Variants in SLFN5 observed in about 807,000 individuals in gnomAD.
SLFN5 encodes schlafen family member 5.
Under a neutral mutation model 48.5 loss-of-function variants are expected in SLFN5, and 34 were observed. The ratio of observed to expected loss-of-function variants is 0.70; its 90% CI spans 0.53 to 0.93. SLFN5 has a LOEUF of 0.93. Among genes scored for constraint, SLFN5 ranks in the 40% least tolerant of loss-of-function variants. SLFN5 has a pLI of 0.00. For synonymous variants in SLFN5, 387 were observed against 396.2 expected (o/e 0.98, Z 0.28); for missense variants, 1,006 against 1,071.3 (o/e 0.94, Z 0.85).
In SLFN5 at chr17:35,252,082, T is replaced by G. The variant is rs138880236; in HGVS notation, c.-40-6569T>G. 3.1e-3 allele frequency among the ~76,000 whole-genome samples: 465 copies of G among 152,348 alleles called. 1 individual carries two copies. The highest frequency in any genetic ancestry group is 6.8e-3 in the Middle Eastern group (2 of 294). ...AATTTCTCCATGAAATTACTCATTA[T>G]AATATAGACAAATTGGTCACTATCT... is the stretch of plus-strand genomic sequence containing the variant. On this transcript the variant is annotated intron_variant, in intron 1 of 4. Coordinates refer to ENST00000299977, the MANE Select transcript of SLFN5 (RefSeq NM_144975.4).
At chr17:35,263,640 T>A (rs1266927173) in intron 3 of SLFN5, among the ~76,000 whole-genome samples, 1 of 151,542 alleles carries the variant, frequency 6.6e-6, no homozygotes. Context: ...CTGGCCAACA[T>A]GGTGAAACCC....
At chr17:35,252,992 G>C (rs2127828) in intron 1 of SLFN5, among the ~76,000 whole-genome samples, 42,993 of 151,496 alleles carry the variant, frequency 0.28, 6,295 homozygotes, top group East Asian at 0.41. Flanking sequence ...TAGTCAATTT[G>C]GGCTGCTGTA....
At chr17:35,244,114 G>A (rs1035715171) in intron 1 of SLFN5, among the ~76,000 whole-genome samples, 1 of 152,106 alleles carries the variant, frequency 6.6e-6, no homozygotes, top group Admixed American at 6.5e-5. Flanking sequence ...TCTTGACTCT[G>A]AAGCTATATC....
rs1222036730 is a variant in SLFN5 at position 35,266,255 on chromosome 17, G to C, written c.*367G>C. On this transcript the variant is annotated 3_prime_UTR_variant, in exon 5 of 5. Transcript: ENST00000299977. ...GGGTGGTCAGGGAAGTGCTCAGTGA[G>C]GGAAGAACTTGTCATGAGAATCTCT... 1 of 164,168 alleles carries C rather than the reference G, an allele frequency of 6.1e-6. No individual in the cohort carries two copies. Among genetic ancestry groups the C allele is most frequent in the African/African-American group, 2.4e-5 (1 of 41,808 alleles). The allele number at this position is 164,168 out of a possible 1,614,324, so 10.2% of individuals were successfully genotyped here.
At chr17:35,258,564 A>T in intron 1 of SLFN5, 87 bp from the exon 2 acceptor site, 1 of 1,143,568 alleles carries the variant, frequency 8.7e-7, no homozygotes, top group Non-Finnish European at 1.2e-6. Flanking sequence ...GAAGGGACCA[A>T]CCTCAGTAGG....
chr17:35,262,253 G>A lies in SLFN5; in HGVS notation c.1138+1157G>A, dbSNP rs185001842. On this transcript the variant is annotated intron_variant, in intron 3 of 4. Coordinates refer to ENST00000299977, the MANE Select transcript of SLFN5 (RefSeq NM_144975.4). Reference sequence around the variant, plus strand: ...AAATTAGCTGGGTGTGGTGGCATGCGCCTGTGGTCCCAGCTCCTCGGGAGG... The same window carrying A: ...AAATTAGCTGGGTGTGGTGGCATGCACCTGTGGTCCCAGCTCCTCGGGAGG... Among the ~76,000 whole-genome samples the A allele has an allele frequency of 3.7e-3, 556 of 151,386 alleles. 2 individuals are homozygous for A. The highest frequency in any genetic ancestry group is 0.013 in the African/African-American group (526 of 41,284).
rs1904638576 is a variant in SLFN5 at position 35,265,136 on chromosome 17, C to CA, written c.1925dup (p.His642GlnfsTer8). The CA allele has an allele frequency of 1.2e-6, 2 of 1,613,994 alleles. No homozygotes were observed. Among genetic ancestry groups the CA allele is most frequent in the African/African-American group, 1.3e-5 (1 of 74,924 alleles). On this transcript the variant is annotated frameshift_variant, in exon 5 of 5. Transcript: ENST00000299977. LOFTEE classifies it low-confidence loss of function (END_TRUNC). ...AACCTTCATGAAAAACAACTTTGAACACATCCAGCACATTATCATTGATGA... is the reference window on the plus strand; with the variant it reads ...AACCTTCATGAAAAACAACTTTGAACAACATCCAGCACATTATCATTGATGA...
At position 35,266,311 on chromosome 17, in the gene SLFN5, T is replaced by TA. The variant is rs1195092261; in HGVS notation, c.*426dup. On this transcript the variant is annotated 3_prime_UTR_variant, in exon 5 of 5. Transcript: ENST00000299977. ...TGCCAGGCAGACTCGGATATTTTTA[T>TA]AAATTTTTAACATGGCCACTTGCAG... is the stretch of plus-strand genomic sequence containing the variant. 1.3e-5 allele frequency: 2 copies of TA among 154,840 alleles called. No homozygotes were observed. Among genetic ancestry groups the TA allele is most frequent in the Non-Finnish European group, 2.9e-5 (2 of 69,970 alleles). 9.6% of individuals were successfully genotyped at this position (154,840 alleles called of 1,614,324 possible). A position where few individuals can be genotyped will look rare whatever the true frequency, so the allele number is the denominator to read the frequency against.
In SLFN5 at chr17:35,264,653, T is replaced by G; in HGVS notation, c.1609T>G (p.Leu537Val). ...CCTGTTACAGTCCCTCGTGATAGTCTTGCTTGGGTTCAAATCCTTCTTAAG... is the reference window on the plus strand; with the variant it reads ...CCTGTTACAGTCCCTCGTGATAGTCGTGCTTGGGTTCAAATCCTTCTTAAG... Reference protein sequence around the residue: ...EALLQSLVIVLLGFKSFLSEE... With the variant: ...EALLQSLVIVVLGFKSFLSEE... The change falls in exon 4 of 5, where the codon TTG (leucine) becomes GTG (valine). Residue 537 changes from leucine to valine, a missense_variant. Coordinates refer to ENST00000299977, the MANE Select transcript of SLFN5 (RefSeq NM_144975.4). 6.2e-7 allele frequency: 1 copy of G among 1,614,046 alleles called. No homozygotes were observed. Among genetic ancestry groups the G allele is most frequent in the East Asian group, 2.2e-5 (1 of 44,888 alleles).
rs1326962191 is a variant in SLFN5 at position 35,268,399 on chromosome 17, A to T, written c.*2511A>T. On this transcript the variant is annotated 3_prime_UTR_variant, in exon 5 of 5. Coordinates refer to ENST00000299977, the MANE Select transcript of SLFN5 (RefSeq NM_144975.4). ...CAGATGAAGAACCCATCCTGAAAGGATATATAACTCAGGGGACAAAAGACA... is the reference window on the plus strand; with the variant it reads ...CAGATGAAGAACCCATCCTGAAAGGTTATATAACTCAGGGGACAAAAGACA... 6.6e-6 allele frequency: 1 copy of T among 152,254 alleles called. No homozygotes were observed. Among genetic ancestry groups the T allele is most frequent in the South Asian group, 2.1e-4 (1 of 4,836 alleles). 9.4% of individuals were successfully genotyped at this position (152,254 alleles called of 1,614,324 possible).
rs1443268612 is a variant in SLFN5 at position 35,268,598 on chromosome 17, T to C, written c.*2710T>C. 1.3e-5 allele frequency: 2 copies of C among 152,264 alleles called. No individual in the cohort carries two copies. The highest frequency in any genetic ancestry group is 2.4e-5 in the African/African-American group (1 of 41,430). The allele number at this position is 152,264 out of a possible 1,614,324, so 9.4% of individuals were successfully genotyped here. A position where few individuals can be genotyped will look rare whatever the true frequency, so the allele number is the denominator to read the frequency against. ...TGGGTGTGGTGGTGCATGCCTGTAA[T>C]ACCAGCTACTCAGAAGGCTGAGGCA... On this transcript the variant is annotated 3_prime_UTR_variant, in exon 5 of 5. Transcript: ENST00000299977.
intron 1 of SLFN5, among the ~76,000 whole-genome samples, chr17:35,248,487 T>C (rs1465485906): frequency 1.3e-5 from 2 of 152,192 alleles, no homozygotes; most frequent in Non-Finnish European, 2.9e-5. Flanking sequence ...AGCTCTCTCT[T>C]TTCCCCCTTA....
chr17:35,265,809 CG>C lies in SLFN5; in HGVS notation c.2599del (p.Ala867LeufsTer21), dbSNP rs1567793269. 3.7e-6 allele frequency: 6 copies of C among 1,614,158 alleles called. No individual in the cohort carries two copies. The highest frequency in any genetic ancestry group is 4.2e-6 in the Non-Finnish European group (5 of 1,180,038). On this transcript the variant is annotated frameshift_variant, in exon 5 of 5. Coordinates refer to ENST00000299977, the MANE Select transcript of SLFN5 (RefSeq NM_144975.4). LOFTEE classifies it low-confidence loss of function (END_TRUNC). The stretch of plus-strand genomic sequence containing the variant: ...GGAATCAATCCAGGAGTAGCCCCAC[CG>C]GCTGGGGCCTACAATCTTCTGCTCT... ...VFGINPGVAP[P>X]AGAYNLLLCL...
rs747039833 is a variant in SLFN5 at position 35,264,169 on chromosome 17, C to A, written c.1139-14C>A. ...GAGGCTTTTCTAATTTCTTCCCATC[C>A]TTTCCCTGTCTAGTATTTTCAGACA... On this transcript the variant is annotated splice_polypyrimidine_tract_variant and intron_variant, in intron 3 of 4. Transcript: ENST00000299977. 5 of 1,556,364 alleles carry A rather than the reference C, an allele frequency of 3.2e-6. No individual in the cohort carries two copies. In the South Asian group the frequency reaches 6.2e-5, roughly 19 times the overall value.
chr17:35,264,896 T>G lies in SLFN5; in HGVS notation c.1852T>G (p.Leu618Val). 1.3e-6 allele frequency: 2 copies of G among 1,557,976 alleles called. No individual in the cohort carries two copies. Among genetic ancestry groups the G allele is most frequent in the Non-Finnish European group, 1.7e-6 (2 of 1,159,210 alleles). The change falls in exon 4 of 5, where the codon TTG (leucine) becomes GTG (valine). Residue 618 changes from leucine (L) to valine (V), a missense_variant. By Grantham distance (32) the Leu-to-Val change is conservative (BLOSUM62 1). Coordinates refer to ENST00000299977, the MANE Select transcript of SLFN5 (RefSeq NM_144975.4). The stretch of plus-strand genomic sequence containing the variant: ...CTGTGAAAACCAGCCCCTGAAGAAG[T>G]TGGTGAGGTATGCTGCTTGTCTGTG... Reference protein sequence around the residue: ...YICENQPLKKLVSFSKKNICQ... With the variant: ...YICENQPLKKVVSFSKKNICQ...
At chr17:35,247,463 G>A (rs549597161) in intron 1 of SLFN5, among the ~76,000 whole-genome samples, 2 of 152,248 alleles carry the variant, frequency 1.3e-5, no homozygotes, top group Non-Finnish European at 2.9e-5. Flanking sequence ...CCCACTGTGT[G>A]GACTCCCATT....
chr17:35,251,950 G>C (rs1164709925), intron 1 of SLFN5, among the ~76,000 whole-genome samples: 1 of 151,942 alleles, frequency 6.6e-6, no homozygotes, highest in Non-Finnish European at 1.5e-5. Context: ...CTGCCCCCAG[G>C]TGATCCACCC....
chr17:35,263,256 G>A (rs1251146669), intron 3 of SLFN5, among the ~76,000 whole-genome samples: 6 of 151,960 alleles, frequency 3.9e-5, no homozygotes, highest in East Asian at 2.0e-4. Context: ...TCAGCCCCCC[G>A]AGTGGGTGGG....
rs2092452175 is a variant in SLFN5, at chr17:35,255,512, G to T, written c.-40-3139G>T. Among the ~76,000 whole-genome samples, 3 of 152,360 alleles carry T rather than the reference G, an allele frequency of 2.0e-5. No individual in the cohort carries two copies. The South Asian group carries it at 6.2e-4, about 32-fold the overall frequency. The stretch of plus-strand genomic sequence containing the variant: ...TAGCGGAATCTAATCTAATCTGTGT[G>T]TCTCTCAGAGTTGGGAGGTAGAGCC... On this transcript the variant is annotated intron_variant, in intron 1 of 4. Transcript: ENST00000299977.
Sources: gnomAD v4.1 joint callset for allele counts (sites outside exome capture counted in the v4.1 genomes callset) on GRCh38, gnomAD v4.1.1 for gene constraint, MANE v1.5 for transcripts, NCBI Gene and HGNC (gene_info 2026-07-23, HGNC 2026-07-21) for gene names.